Variants in NEGR1 observed in about 807,000 individuals in gnomAD.
NEGR1 encodes the protein IgLON family member 4.
Under a neutral mutation model 40.9 loss-of-function variants are expected in NEGR1, and 10 were observed. The observed-to-expected ratio is 0.24, with a 90% CI of 0.15 to 0.42. The LOEUF (loss-of-function observed/expected upper bound fraction) is 0.42. Ranked by LOEUF, NEGR1 falls within the 10% of genes least tolerant of loss-of-function variation. The pLI is 1.00. For synonymous variants in NEGR1, 185 were observed against 166.8 expected (o/e 1.11, Z -0.84); for missense variants, 352 against 438.9 (o/e 0.80, Z 1.77).
chr1:72,219,706 T>C (rs1653947829), intron 1 of NEGR1, among the ~76,000 whole-genome samples: 1 of 152,078 alleles, frequency 6.6e-6, no homozygotes, highest in African/African-American at 2.4e-5. Context: ...ATCTTACATA[T>C]AGCCACAATA....
chr1:71,571,280 G>A (rs1160059814), intron 6 of NEGR1, among the ~76,000 whole-genome samples: 2 of 152,168 alleles, frequency 1.3e-5, no homozygotes, highest in Non-Finnish European at 2.9e-5. Flanking sequence ...GCATATTCAG[G>A]AAAGGCACCA....
chr1:71,771,513 C>A (rs1409308343), intron 3 of NEGR1, among the ~76,000 whole-genome samples: 1 of 151,524 alleles, frequency 6.6e-6, no homozygotes, highest in Non-Finnish European at 1.5e-5. Context: ...CCAGCCTGAC[C>A]AACATGGAGA....
intron 1 of NEGR1, among the ~76,000 whole-genome samples, chr1:72,149,809 A>G (rs1651047478): frequency 7.4e-6 from 1 of 135,064 alleles, no homozygotes; most frequent in African/African-American, 2.9e-5. Context: ...TGAACCTGGG[A>G]GGCGGAGGTT....
At chr1:71,711,108 C>A (rs577291055) in intron 3 of NEGR1, among the ~76,000 whole-genome samples, 1 of 151,260 alleles carries the variant, frequency 6.6e-6, no homozygotes, top group Admixed American at 6.6e-5. Context: ...GAGGCTGAGG[C>A]GGGCAGATCA....
chr1:72,271,785 G>A (rs1655852613), intron 1 of NEGR1, among the ~76,000 whole-genome samples: 1 of 151,748 alleles, frequency 6.6e-6, no homozygotes, highest in South Asian at 2.1e-4. Flanking sequence ...AGGGACCTAG[G>A]GGAAGTAACT....
At chr1:71,872,709 T>C (rs1408158141) in intron 2 of NEGR1, among the ~76,000 whole-genome samples, 1 of 152,148 alleles carries the variant, frequency 6.6e-6, no homozygotes, top group African/African-American at 2.4e-5. Context: ...TTTTGACAGA[T>C]AAAGGTTGGA....
chr1:71,755,042 C>G (rs373488019), intron 3 of NEGR1, among the ~76,000 whole-genome samples: 9 of 152,300 alleles, frequency 5.9e-5, no homozygotes, highest in Admixed American at 5.2e-4. Flanking sequence ...CAATTATTCA[C>G]TGACATTTTC....
intron 3 of NEGR1, among the ~76,000 whole-genome samples, chr1:71,749,649 T>C (rs1655501955): frequency 1.3e-5 from 2 of 152,282 alleles, no homozygotes; most frequent in South Asian, 4.1e-4. Context: ...ACTCTCGTCT[T>C]AGGTAAGAAC....
chr1:71,602,875 T>C (rs1273530543), intron 5 of NEGR1, among the ~76,000 whole-genome samples: 1 of 152,270 alleles, frequency 6.6e-6, no homozygotes, highest in Non-Finnish European at 1.5e-5. Context: ...GGGCATGTGC[T>C]CTTCAGTTCC....
At chr1:71,791,208 G>A (rs924099622) in intron 2 of NEGR1, among the ~76,000 whole-genome samples, 2 of 151,958 alleles carry the variant, frequency 1.3e-5, no homozygotes, top group Non-Finnish European at 2.9e-5. Context: ...TTTGTGAGTT[G>A]AATTTTAAGC....
chr1:71,505,823 C>T (rs556667105), intron 6 of NEGR1, among the ~76,000 whole-genome samples: 112 of 152,258 alleles, frequency 7.4e-4, no homozygotes, highest in Non-Finnish European at 1.3e-3. Flanking sequence ...TGAATTCCAA[C>T]CTTCCAGGGG....
chr1:71,769,071 A>G (rs1275575722), intron 3 of NEGR1, among the ~76,000 whole-genome samples: 1 of 65,352 alleles, frequency 1.5e-5, no homozygotes, highest in Non-Finnish European at 4.8e-5. Context: ...TAACAATAAA[A>G]CTTTTTTTTT....
chr1:71,816,780 G>GAATATTA (rs1221848236), intron 2 of NEGR1, among the ~76,000 whole-genome samples: 2 of 151,868 alleles, frequency 1.3e-5, no homozygotes, highest in African/African-American at 4.8e-5. Flanking sequence ...CACACTCTCT[G>GAATATTA]CCTTCCTGAA....
chr1:71,943,074 G>GTGTATATATATACACACATACATATATA (rs1645985055), intron 1 of NEGR1, among the ~76,000 whole-genome samples: 1 of 141,720 alleles, frequency 7.1e-6, no homozygotes, highest in African/African-American at 2.6e-5. Flanking sequence ...GTATATATAT[G>GTGTATATATATACACACATACATATATA]TGTATATATA....
intron 1 of NEGR1, among the ~76,000 whole-genome samples, chr1:72,257,813 A>C (rs1206820973): frequency 1.3e-5 from 2 of 151,644 alleles, no homozygotes; most frequent in Admixed American, 6.5e-5. Context: ...TGTGAAGATC[A>C]GATATCTTAA....
intron 6 of NEGR1, chr1:71,484,985 T>A (rs960389586): frequency 5.9e-5 from 9 of 151,720 alleles, no homozygotes; most frequent in Non-Finnish European, 1.3e-4. Flanking sequence ...ACCTCTAATA[T>A]TTGAAGATGA....
intron 3 of NEGR1, among the ~76,000 whole-genome samples, chr1:71,730,354 C>T (rs963393881): frequency 2.0e-5 from 3 of 151,722 alleles, no homozygotes; most frequent in African/African-American, 4.8e-5. Context: ...ACATGTCTAA[C>T]GTGCAATTCA....
intron 1 of NEGR1, among the ~76,000 whole-genome samples, chr1:72,179,955 T>C (rs968117797): frequency 3.3e-5 from 5 of 152,064 alleles, no homozygotes; most frequent in Admixed American, 6.6e-5. Flanking sequence ...ATGTCAATAC[T>C]ATGCAAAATA....
intron 6 of NEGR1, among the ~76,000 whole-genome samples, chr1:71,510,144 T>C (rs1287158942): frequency 6.6e-6 from 1 of 152,196 alleles, no homozygotes; most frequent in African/African-American, 2.4e-5. Context: ...AATCCTTATA[T>C]CTCTCATAAT....
Sources: gnomAD v4.1 joint callset for allele counts (sites outside exome capture counted in the v4.1 genomes callset) on GRCh38, gnomAD v4.1.1 for gene constraint, MANE v1.5 for transcripts, NCBI Gene and HGNC (gene_info 2026-07-23, HGNC 2026-07-21) for gene names.